COPG1: variants seen among roughly 807,000 people sequenced by gnomAD.
COPG1 encodes coat protein complex I subunit gamma 1.
In COPG1, 29 loss-of-function variants were observed where a neutral mutation model predicts 102.8. The ratio of observed to expected loss-of-function variants is 0.28; its 90% CI spans 0.21 to 0.38. The LOEUF is 0.38. Among genes scored for constraint, COPG1 ranks in the 10% least tolerant of loss-of-function variants. COPG1 has a pLI of 1.00. For missense variants in COPG1, 875 were observed against 1,132.7 expected (o/e 0.77, Z 3.27); for synonymous variants, 406 against 421.6 (o/e 0.96, Z 0.45).
chr3:129,271,802 G>A lies in COPG1; in HGVS notation c.1879G>A (p.Gly627Arg). 6.2e-7 allele frequency: 1 copy of A among 1,614,200 alleles called. No individual in the cohort carries two copies. The highest frequency in any genetic ancestry group is 8.5e-7 in the Non-Finnish European group (1 of 1,180,032). The change falls in exon 19 of 24, where the codon GGG (glycine) becomes AGG (arginine). Residue 627 changes from glycine to arginine, a missense_variant. Gly to Arg is a moderately radical substitution (Grantham distance 125). Transcript: ENST00000314797. This position sits in a 1 kb window ranked among gnomAD's most constrained non-coding sequence, Gnocchi z 4.7. The part of the protein sequence containing the change: ...LAAVPEFRGL[G>R]PLFKSSPEPV... ...AGCAGTGCCAGAGTTCCGCGGTCTT[G>A]GGCCCCTCTTCAAGTCCTCGCCTGA...
At position 129,271,113 on chromosome 3, in the gene COPG1, G is replaced by T. The variant is rs1940173953; in HGVS notation, c.1844-654G>T. Among the ~76,000 whole-genome samples, 2 of 152,304 alleles carry T rather than the reference G, an allele frequency of 1.3e-5. No homozygotes were observed. Among genetic ancestry groups the T allele is most frequent in the South Asian group, 4.1e-4 (2 of 4,828 alleles). On this transcript the variant is annotated intron_variant, in intron 18 of 23. Coordinates refer to ENST00000314797, the MANE Select transcript of COPG1 (RefSeq NM_016128.4). This position sits in a 1 kb window ranked among gnomAD's most constrained non-coding sequence, Gnocchi z 4.7. ...GGACACCATGTGCACACATCTGCCAGATGCCTCATTCACTTGGGTTATTCC... is the reference window on the plus strand; with the variant it reads ...GGACACCATGTGCACACATCTGCCATATGCCTCATTCACTTGGGTTATTCC...
chr3:129,274,816 A>T (rs539532728), intron 21 of COPG1, 22 bp from the exon 22 acceptor site: 8 of 1,606,516 alleles, frequency 5.0e-6, no homozygotes, highest in Middle Eastern at 1.7e-4. Context: ...TGGGTGCCTG[A>T]TTTCTACCTC....
rs2107673470 is a variant in COPG1 at position 129,255,171 on chromosome 3, C to A, written c.492+94C>A. 3 of 774,296 alleles carry A rather than the reference C, an allele frequency of 3.9e-6. No individual in the cohort carries two copies. In the African/African-American group the frequency reaches 6.0e-5, roughly 16 times the overall value. 48.0% of individuals were successfully genotyped at this position (774,296 alleles called of 1,614,324 possible). ...TCCAGTAGGAAAAAAGAAAGTGTTT[C>A]TTTCTTTCTTTTTTTTTTTTTGATT... On this transcript the variant is annotated intron_variant, in intron 7 of 23. Transcript: ENST00000314797.
intron 14 of COPG1, among the ~76,000 whole-genome samples, chr3:129,266,777 A>T (rs1940068749): frequency 6.6e-6 from 1 of 152,208 alleles, no homozygotes; most frequent in African/African-American, 2.4e-5. Flanking sequence ...CTGGAACCTT[A>T]GAATGGGAGC....
At chr3:129,266,004 G>T (rs756442337) in intron 14 of COPG1, among the ~76,000 whole-genome samples, 3 of 150,752 alleles carry the variant, frequency 2.0e-5, no homozygotes, top group African/African-American at 7.3e-5. Context: ...ATGGAATCTC[G>T]CTCTGTCACC....
At chr3:129,251,391 A>AT (rs965199264) in intron 2 of COPG1, among the ~76,000 whole-genome samples, 54 of 143,712 alleles carry the variant, frequency 3.8e-4, no homozygotes, top group East Asian at 1.0e-3. Context: ...ATATATATGT[A>AT]TTTTTTTTTA....
In COPG1 at chr3:129,267,086, G is replaced by A. The variant is rs1940076094; in HGVS notation, c.1531G>A (p.Val511Met). 2.5e-6 allele frequency: 4 copies of A among 1,613,684 alleles called. No homozygotes were observed. In the South Asian group the frequency reaches 3.3e-5, roughly 13 times the overall value. The change falls in exon 15 of 24, where the codon GTG (valine) becomes ATG (methionine). Residue 511 changes from valine (V) to methionine (M), a missense_variant. Physicochemically the swap from Val to Met is conservative, Grantham distance 21. Transcript: ENST00000314797. ...QNEEMLPSIL[V>M]LLKRCVMDDD... Reference sequence around the variant, plus strand: ...TGAAGAGATGTTACCCAGTATCTTGGTGTTGCTGAAGAGGTGAGTCTAGGC... The same window carrying A: ...TGAAGAGATGTTACCCAGTATCTTGATGTTGCTGAAGAGGTGAGTCTAGGC...
Position 129,272,812 on chromosome 3 carries a change from T to C in COPG1, c.2164T>C (p.Cys722Arg). 1 of 1,611,022 alleles carries C rather than the reference T, an allele frequency of 6.2e-7. No individual in the cohort carries two copies. Among genetic ancestry groups the C allele is most frequent in the Non-Finnish European group, 8.5e-7 (1 of 1,177,560 alleles). ...CCAGCCTCTCTTCCCCACAGTGGCCTGCACATTCAGCTGCATGATGAAGTT... is the reference window on the plus strand; with the variant it reads ...CCAGCCTCTCTTCCCCACAGTGGCCCGCACATTCAGCTGCATGATGAAGTT... ...LPKEDPTAVA[C>R]TFSCMMKFTV... Residue 722 changes from cysteine to arginine, a missense_variant, in exon 21 of 24, where the codon TGC becomes CGC. Cys to Arg is a radical substitution (Grantham distance 180). Coordinates refer to ENST00000314797, the MANE Select transcript of COPG1 (RefSeq NM_016128.4).
Position 129,257,639 on chromosome 3 carries a change from C to T in COPG1, c.737+12C>T, listed in dbSNP as rs1939839143. On this transcript the variant is annotated intron_variant, in intron 9 of 23. Transcript: ENST00000314797. ...GAGGAGGATGGCAGGTAACGGCTCT[C>T]ATCTCTCACCAGCTAGATGATGCCT... is the stretch of plus-strand genomic sequence containing the variant. The T allele has an allele frequency of 1.9e-6, 3 of 1,614,074 alleles. No homozygotes were observed. The highest frequency in any genetic ancestry group is 2.5e-6 in the Non-Finnish European group (3 of 1,180,030).
intron 8 of COPG1, 94 bp downstream of exon 8, chr3:129,256,248 T>A: frequency 9.7e-7 from 1 of 1,025,830 alleles, no homozygotes; most frequent in Non-Finnish European, 1.5e-6. Flanking sequence ...GAGATCCTTG[T>A]GACCCCTGGC....
At chr3:129,258,961 C>T (rs577757935) in intron 10 of COPG1, among the ~76,000 whole-genome samples, 118 of 152,176 alleles carry the variant, frequency 7.8e-4, no homozygotes, top group Non-Finnish European at 1.5e-3. Flanking sequence ...AACCTGGATT[C>T]AAAGTGGAAG....
At chr3:129,267,910 C>T in intron 15 of COPG1, 27 bp from the exon 16 acceptor site, 3 of 1,593,532 alleles carry the variant, frequency 1.9e-6, no homozygotes, top group Non-Finnish European at 2.6e-6. Flanking sequence ...GGGTCCCAGT[C>T]AGGACCACCT....
rs1373971178 is a variant in COPG1, at chr3:129,249,637, C to T, written c.-73C>T. The T allele has an allele frequency of 3.1e-5, 47 of 1,524,744 alleles. No individual in the cohort carries two copies. The Admixed American group carries it at 5.7e-4, about 19-fold the overall frequency. The allele number at this position is 1,524,744 out of a possible 1,614,324, so 94.5% of individuals were successfully genotyped here. On this transcript the variant is annotated 5_prime_UTR_variant, in exon 1 of 24. Coordinates refer to ENST00000314797, the MANE Select transcript of COPG1 (RefSeq NM_016128.4). ...GGCCCGGAAGTGGTCCCTGTAGAAC[C>T]ACTGTGGCACCGCTACTCCGTGCCG... is the stretch of plus-strand genomic sequence containing the variant.
rs1034795103 is a variant in COPG1 at position 129,267,527 on chromosome 3, A to G, written c.1545-410A>G. On this transcript the variant is annotated intron_variant, in intron 15 of 23. Coordinates refer to ENST00000314797, the MANE Select transcript of COPG1 (RefSeq NM_016128.4). ...TCCCAGCTACTTGGGAGGCTGAGGC[A>G]GGAGAATGGTGTGAACCTGGGAGAT... 2.0e-5 allele frequency among the ~76,000 whole-genome samples: 3 copies of G among 152,182 alleles called. No individual in the cohort carries two copies. In the South Asian group the frequency reaches 6.2e-4, roughly 31 times the overall value.
intron 11 of COPG1, 23 bp from the exon 12 acceptor site, chr3:129,260,596 C>T (rs764088237): frequency 9.3e-6 from 15 of 1,612,058 alleles, no homozygotes; most frequent in African/African-American, 1.3e-5. Flanking sequence ...CCTGCCCTCT[C>T]TGTCACTGTC....
At chr3:129,253,032 G>A in intron 5 of COPG1, 77 bp downstream of exon 5, 1 of 1,292,168 alleles carries the variant, frequency 7.7e-7, no homozygotes, top group Non-Finnish European at 1.1e-6. Flanking sequence ...GTACCAGACA[G>A]TGAGACTTGG....
At position 129,257,495 on chromosome 3, in the gene COPG1, A is replaced by G. The variant is rs1425036888; in HGVS notation, c.605A>G (p.His202Arg). The G allele has an allele frequency of 1.9e-6, 3 of 1,614,076 alleles. No homozygotes were observed. Among genetic ancestry groups the G allele is most frequent in the East Asian group, 4.5e-5 (2 of 44,898 alleles). The change falls in exon 9 of 24, where the codon CAT (histidine) becomes CGT (arginine). Residue 202 changes from histidine (H) to arginine (R), a missense_variant. Physicochemically the swap from His to Arg is conservative, Grantham distance 29 (BLOSUM62 0). Coordinates refer to ENST00000314797, the MANE Select transcript of COPG1 (RefSeq NM_016128.4). Reference sequence around the variant, plus strand: ...TACCACGCACTAGGGCTCCTGTACCATGTGCGTAAGAATGACCGCCTAGCC... The same window carrying G: ...TACCACGCACTAGGGCTCCTGTACCGTGTGCGTAAGAATGACCGCCTAGCC... Reference protein sequence around the residue: ...VQYHALGLLYHVRKNDRLAVN... With the variant: ...VQYHALGLLYRVRKNDRLAVN...
Position 129,275,060 on chromosome 3 carries a change from C to A in COPG1, c.2395+84C>A. ...TTGAAGTGCTCATCCCTTTTCTCTC[C>A]AAGGATCCAGGGCCATGTCTGGAGC... On this transcript the variant is annotated intron_variant, in intron 22 of 23. Transcript: ENST00000314797. The surrounding 1 kb of genome is among the most constrained non-coding windows in gnomAD (Gnocchi z 5.0). 1 of 1,547,456 alleles carries A rather than the reference C, an allele frequency of 6.5e-7. No homozygotes were observed. The highest frequency in any genetic ancestry group is 8.9e-7 in the Non-Finnish European group (1 of 1,125,396).
chr3:129,266,928 C>T (rs1940071603), intron 14 of COPG1, 96 bp from the exon 15 acceptor site: 1 of 1,026,314 alleles, frequency 9.7e-7, no homozygotes, highest in Non-Finnish European at 1.5e-6. Context: ...GCCTCTGGGG[C>T]TCTTCTGCCT....
Sources: gnomAD v4.1 joint callset for allele counts (sites outside exome capture counted in the v4.1 genomes callset) on GRCh38, gnomAD v4.1.1 for gene constraint, Gnocchi (gnomAD v3.1) non-coding constraint, MANE v1.5 for transcripts, NCBI Gene and HGNC (gene_info 2026-07-23, HGNC 2026-07-21) for gene names.